The following MACROD2 variants were observed in gnomAD, a reference collection of about 807,000 sequenced individuals.
MACROD2 encodes the protein mono-ADP ribosylhydrolase 2, also known as ADP-ribose glycohydrolase MACROD2.
Under a neutral mutation model 70.4 loss-of-function variants are expected in MACROD2, and 36 were observed. The observed-to-expected ratio is 0.51, with a 90% CI of 0.39 to 0.68. The LOEUF is 0.68. MACROD2 is among the 30% of genes least tolerant of loss of function. The pLI is 0.00. For missense variants in MACROD2, 496 were observed against 538.4 expected (o/e 0.92, Z 0.78); for synonymous variants, 172 against 178.8 (o/e 0.96, Z 0.30).
intron 3 of MACROD2, among the ~76,000 whole-genome samples, chr20:14,154,552 A>ATTTTTTTTTTTTT (rs869299523): frequency 9.4e-5 from 10 of 106,650 alleles, no homozygotes; most frequent in African/African-American, 3.0e-4. Context: ...CGCCCGGCTA[A>ATTTTTTTTTTTTT]TTTTTTTTTT....
intron 8 of MACROD2, among the ~76,000 whole-genome samples, chr20:15,590,739 C>T (rs574298816): frequency 1.4e-3 from 220 of 151,950 alleles, no homozygotes; most frequent in Admixed American, 2.7e-3. Context: ...ATTAGCCAGG[C>T]GTAGTGTTGC....
At chr20:15,066,692 C>T (rs2075578276) in intron 5 of MACROD2, among the ~76,000 whole-genome samples, 1 of 151,706 alleles carries the variant, frequency 6.6e-6, no homozygotes. Context: ...CCAGCCTGGC[C>T]AACATGGTGA....
chr20:15,242,886 T>C (rs2077072238), intron 6 of MACROD2, among the ~76,000 whole-genome samples: 1 of 152,162 alleles, frequency 6.6e-6, no homozygotes, highest in Non-Finnish European at 1.5e-5. Flanking sequence ...ATGGAAATGT[T>C]TTTGCAATCA....
chr20:15,900,803 A>G (rs1247321090), intron 10 of MACROD2, among the ~76,000 whole-genome samples: 1 of 152,152 alleles, frequency 6.6e-6, no homozygotes, highest in Non-Finnish European at 1.5e-5. Context: ...AGAACTCTCA[A>G]TTGTCCATGT....
At chr20:14,892,475 A>C (rs935640862) in intron 5 of MACROD2, among the ~76,000 whole-genome samples, 3 of 152,170 alleles carry the variant, frequency 2.0e-5, no homozygotes, top group Admixed American at 1.3e-4. Context: ...AAAACAAAAA[A>C]TCTAATGTAG....
chr20:14,887,391 CT>C (rs1231337810), intron 5 of MACROD2, among the ~76,000 whole-genome samples: 3 of 77,584 alleles, frequency 3.9e-5, no homozygotes, highest in African/African-American at 5.7e-5. Context: ...ATGTGATTAG[CT>C]TTTTTTGTTT....
At chr20:15,899,129 A>T (rs2065023432) in intron 10 of MACROD2, among the ~76,000 whole-genome samples, 1 of 151,924 alleles carries the variant, frequency 6.6e-6, no homozygotes, top group Non-Finnish European at 1.5e-5. Flanking sequence ...GTATGTATGC[A>T]CATACAAATA....
At chr20:15,455,841 C>T (rs1011049865) in intron 7 of MACROD2, among the ~76,000 whole-genome samples, 26 of 152,072 alleles carry the variant, frequency 1.7e-4, no homozygotes, top group Non-Finnish European at 3.2e-4. Context: ...CATTTCAGCT[C>T]ATTTTTTTAA....
At chr20:15,813,707 A>G (rs2063843953) in intron 8 of MACROD2, among the ~76,000 whole-genome samples, 1 of 152,174 alleles carries the variant, frequency 6.6e-6, no homozygotes, top group South Asian at 2.1e-4. Context: ...TGAGCCCAGG[A>G]GTTCAAGGCT....
intron 6 of MACROD2, among the ~76,000 whole-genome samples, chr20:15,238,195 T>G (rs748726603): frequency 6.6e-6 from 1 of 152,200 alleles, no homozygotes; most frequent in Non-Finnish European, 1.5e-5. Flanking sequence ...CTCAAAGATT[T>G]TTATTCTTAA....
At chr20:15,300,357 A>G (rs1446227999) in intron 6 of MACROD2, among the ~76,000 whole-genome samples, 1 of 152,176 alleles carries the variant, frequency 6.6e-6, no homozygotes, top group African/African-American at 2.4e-5. Flanking sequence ...TCTCACTGCC[A>G]GAGAGGGATT....
At chr20:15,811,416 A>G (rs2063820501) in intron 8 of MACROD2, among the ~76,000 whole-genome samples, 1 of 152,174 alleles carries the variant, frequency 6.6e-6, no homozygotes, top group African/African-American at 2.4e-5. Context: ...TAGAATGGCA[A>G]TCATTAAAAA....
intron 10 of MACROD2, among the ~76,000 whole-genome samples, chr20:15,922,146 G>A (rs1424489112): frequency 6.6e-6 from 1 of 152,180 alleles, no homozygotes; most frequent in Non-Finnish European, 1.5e-5. Context: ...TAAGTGCCAG[G>A]GACGATGGCC....
intron 5 of MACROD2, among the ~76,000 whole-genome samples, chr20:15,121,236 G>T (rs1384430265): frequency 1.3e-5 from 2 of 152,162 alleles, no homozygotes; most frequent in Non-Finnish European, 2.9e-5. Context: ...CCCAGGCTGG[G>T]CTCAGTGGCT....
rs1214697144 is a variant in MACROD2 at position 16,050,564 on chromosome 20, G to A, written c.*688G>A. On this transcript the variant is annotated 3_prime_UTR_variant, in exon 18 of 18. Transcript: ENST00000684519. ...CTGGGTCTCTTCCTTCCTAACCATG[G>A]TGGCAGGTGCATCCTTCTTTGACAC... is the stretch of plus-strand genomic sequence containing the variant. 1 of 152,280 alleles carries A rather than the reference G, an allele frequency of 6.6e-6. No homozygotes were observed. Among genetic ancestry groups the A allele is most frequent in the African/African-American group, 2.4e-5 (1 of 41,448 alleles). 9.4% of individuals were successfully genotyped at this position (152,280 alleles called of 1,614,324 possible).
chr20:14,285,284 A>C (rs2082334855), intron 3 of MACROD2, among the ~76,000 whole-genome samples: 1 of 152,212 alleles, frequency 6.6e-6, no homozygotes, highest in South Asian at 2.1e-4. Context: ...TGTAACCATA[A>C]CTTGAAGGTA....
At chr20:15,319,341 G>A (rs2146167887) in intron 6 of MACROD2, among the ~76,000 whole-genome samples, 1 of 152,280 alleles carries the variant, frequency 6.6e-6, no homozygotes, top group Non-Finnish European at 1.5e-5. Flanking sequence ...TAATGCTTAT[G>A]AATTAGAAGA....
intron 8 of MACROD2, among the ~76,000 whole-genome samples, chr20:15,639,474 A>G (rs1411890685): frequency 2.0e-5 from 3 of 152,082 alleles, no homozygotes; most frequent in Admixed American, 6.5e-5. Context: ...CTCAGCCCCC[A>G]CTGTAGTGCA....
intron 3 of MACROD2, among the ~76,000 whole-genome samples, chr20:14,442,879 A>G (rs1251223355): frequency 1.3e-5 from 2 of 152,052 alleles, no homozygotes; most frequent in African/African-American, 4.8e-5. Flanking sequence ...GATCGAGACC[A>G]TCCTGGCTAA....
Sources: gnomAD v4.1 joint callset for allele counts (sites outside exome capture counted in the v4.1 genomes callset) on GRCh38, gnomAD v4.1.1 for gene constraint, MANE v1.5 for transcripts, NCBI Gene and HGNC (gene_info 2026-07-23, HGNC 2026-07-21) for gene names.